The following SGSM1 variants were observed in gnomAD, a reference collection of about 807,000 sequenced individuals.
The protein encoded by SGSM1 is small G protein signaling modulator 1.
A neutral mutation model predicts 133.8 loss-of-function variants in SGSM1; 73 were observed. The observed-to-expected ratio is 0.55, with a 90% confidence interval of 0.45 to 0.66. The LOEUF (loss-of-function observed/expected upper bound fraction) is 0.66, where lower values mean the gene tolerates loss of function less well. Ranked by LOEUF, SGSM1 falls within the 30% of genes least tolerant of loss-of-function variation. SGSM1 has a pLI of 0.00. For synonymous variants in SGSM1, 563 were observed against 573.0 expected (o/e 0.98, Z 0.25); for missense variants, 1,213 against 1,448.1 (o/e 0.84, Z 2.64).
At chr22:24,909,551 G>A (rs939723076) in intron 21 of SGSM1, among the ~76,000 whole-genome samples, 1 of 152,022 alleles carries the variant, frequency 6.6e-6, no homozygotes, top group African/African-American at 2.4e-5. Flanking sequence ...CACCTCCTGG[G>A]TTCAAGCAAT....
rs188563353 is a variant in SGSM1 at position 24,855,553 on chromosome 22, A to C, written c.674A>C (p.Gln225Pro). 6.2e-7 allele frequency: 1 copy of C among 1,613,868 alleles called. No individual in the cohort carries two copies. The highest frequency in any genetic ancestry group is 1.7e-5 in the Admixed American group (1 of 60,016). ...SPTKRPALCI[Q>P]KRHSSGSMDD... is the part of the protein sequence containing the mutation. ...TCTCCCGTCACTCTCTACCAGATCCAGAAGAGGCATTCCAGTGGCAGCATG... is the reference window on the plus strand; with the variant it reads ...TCTCCCGTCACTCTCTACCAGATCCCGAAGAGGCATTCCAGTGGCAGCATG... Residue 225 changes from glutamine to proline, a missense_variant, in exon 8 of 25, where the codon CAG becomes CCG. By Grantham distance (76) the Gln-to-Pro change is moderately conservative. Transcript: ENST00000400358.
At chr22:24,807,387 T>C (rs1927468989) in intron 2 of SGSM1, among the ~76,000 whole-genome samples, 1 of 152,114 alleles carries the variant, frequency 6.6e-6, no homozygotes, top group Non-Finnish European at 1.5e-5. Context: ...TCTATGTGTG[T>C]CTTTGTATCT....
intron 4 of SGSM1, 65 bp from the exon 5 acceptor site, chr22:24,850,215 G>A: frequency 6.9e-7 from 1 of 1,443,930 alleles, no homozygotes; most frequent in South Asian, 1.4e-5. Flanking sequence ...TCTCCCATTT[G>A]CCAATTAGTC....
At chr22:24,866,554 G>A (rs1931469927) in intron 9 of SGSM1, among the ~76,000 whole-genome samples, 1 of 152,098 alleles carries the variant, frequency 6.6e-6, no homozygotes, top group Non-Finnish European at 1.5e-5. Context: ...ATGGATCCAG[G>A]GACTTGAATG....
intron 2 of SGSM1, among the ~76,000 whole-genome samples, chr22:24,832,348 G>A (rs1816081357): frequency 1.3e-5 from 2 of 152,242 alleles, no homozygotes; most frequent in Admixed American, 1.3e-4. Flanking sequence ...ATAGATAAGA[G>A]GGTTAGTGTT....
At chr22:24,862,082 G>A (rs1263050369) in intron 9 of SGSM1, among the ~76,000 whole-genome samples, 5 of 151,734 alleles carry the variant, frequency 3.3e-5, no homozygotes, top group Non-Finnish European at 7.4e-5. Context: ...AGTCTCCTGA[G>A]TAGCTGGGAT....
chr22:24,867,076 C>T lies in SGSM1; in HGVS notation c.927-17C>T. ...TAGGCAGAAGTCCTGCAAGCCTGAC[C>T]CTCCGTCCGCTTCCAGCGTCTACTG... is the stretch of plus-strand genomic sequence containing the variant. On this transcript the variant is annotated splice_polypyrimidine_tract_variant and intron_variant, in intron 9 of 24. Coordinates refer to ENST00000400358, the MANE Select transcript of SGSM1 (RefSeq NM_001098497.3). 1.9e-6 allele frequency: 3 copies of T among 1,612,572 alleles called. No individual in the cohort carries two copies. Among genetic ancestry groups the T allele is most frequent in the South Asian group, 1.1e-5 (1 of 90,628 alleles).
At chr22:24,894,914 C>T (rs1932879117) in intron 17 of SGSM1, among the ~76,000 whole-genome samples, 1 of 152,102 alleles carries the variant, frequency 6.6e-6, no homozygotes, top group African/African-American at 2.4e-5. Flanking sequence ...GAACCAGTTA[C>T]TCTGTGAGTT....
rs933967170 is a variant in SGSM1 at position 24,806,619 on chromosome 22, C to T, written c.63+135C>T. On this transcript the variant is annotated intron_variant, in intron 2 of 24. Coordinates refer to ENST00000400358, the MANE Select transcript of SGSM1 (RefSeq NM_001098497.3). ...CAGGTGTGGGGCTCACCTGGGTGGGCATTGACCTCCCGCAGGGCAGGAGGC... is the reference window on the plus strand; with the variant it reads ...CAGGTGTGGGGCTCACCTGGGTGGGTATTGACCTCCCGCAGGGCAGGAGGC... 1.1e-5 allele frequency: 12 copies of T among 1,069,972 alleles called. No individual in the cohort carries two copies. The East Asian group carries it at 3.2e-4, about 29-fold the overall frequency. 66.3% of individuals were successfully genotyped at this position (1,069,972 alleles called of 1,614,324 possible).
Position 24,818,468 on chromosome 22 carries a change from A to T in SGSM1, c.63+11984A>T, listed in dbSNP as rs569470534. On this transcript the variant is annotated intron_variant, in intron 2 of 24. Transcript: ENST00000400358. ...ATGAAGCCTCTGCCTCCCAGGTTCAAGCGATTCTCCTGCCTCAGCCTCCTG... is the reference window on the plus strand; with the variant it reads ...ATGAAGCCTCTGCCTCCCAGGTTCATGCGATTCTCCTGCCTCAGCCTCCTG... Among the ~76,000 whole-genome samples, 21 of 150,540 alleles carry T rather than the reference A, an allele frequency of 1.4e-4. No individual in the cohort carries two copies. The South Asian group carries it at 4.5e-3, about 32-fold the overall frequency.
chr22:24,903,579 A>G (rs1933244295), intron 20 of SGSM1, among the ~76,000 whole-genome samples: 1 of 152,234 alleles, frequency 6.6e-6, no homozygotes, highest in Admixed American at 6.5e-5. Context: ...AATGAAAAAA[A>G]TGCTGGGAAG....
intron 2 of SGSM1, among the ~76,000 whole-genome samples, chr22:24,807,474 G>T (rs1195410446): frequency 3.9e-5 from 6 of 152,144 alleles, no homozygotes. Context: ...GTGAGTGTGT[G>T]TGTGTATCTT....
Position 24,912,709 on chromosome 22 carries a change from G to T in SGSM1, c.2885G>T (p.Gly962Val). The T allele has an allele frequency of 6.2e-7, 1 of 1,613,820 alleles. No homozygotes were observed. Among genetic ancestry groups the T allele is most frequent in the Non-Finnish European group, 8.5e-7 (1 of 1,179,912 alleles). Residue 962 changes from glycine (G) to valine (V), a missense_variant, in exon 22 of 25, where the codon GGC becomes GTC. Transcript: ENST00000400358. ...KRMNQNFPHG[G>V]AMDTHFANMR... ...ATGAACCAGAACTTCCCCCACGGAGGCGCCATGGACACGCACTTTGCAAAC... is the reference window on the plus strand; with the variant it reads ...ATGAACCAGAACTTCCCCCACGGAGTCGCCATGGACACGCACTTTGCAAAC...
chr22:24,806,411 G>C, intron 1 of SGSM1, 30 bp from the exon 2 acceptor site: 1 of 1,522,340 alleles, frequency 6.6e-7, no homozygotes. Flanking sequence ...TCTCTCGGCT[G>C]ACCCGCGGCT....
chr22:24,842,301 A>G (rs1482418677), intron 2 of SGSM1, among the ~76,000 whole-genome samples: 1 of 152,132 alleles, frequency 6.6e-6, no homozygotes, highest in African/African-American at 2.4e-5. Context: ...CCAAACACCA[A>G]ATCCAGTCCT....
chr22:24,892,037 G>C (rs569664941), intron 16 of SGSM1, among the ~76,000 whole-genome samples: 8 of 152,246 alleles, frequency 5.3e-5, no homozygotes, highest in African/African-American at 1.9e-4. Flanking sequence ...CAAGGATCAC[G>C]ACTGCTAAGT....
At chr22:24,815,085 AAGATG>A (rs750690120) in intron 2 of SGSM1, among the ~76,000 whole-genome samples, 6 of 152,256 alleles carry the variant, frequency 3.9e-5, no homozygotes, top group Non-Finnish European at 7.3e-5. Flanking sequence ...AGTGATATAG[AAGATG>A]AGATGAATAG....
intron 8 of SGSM1, among the ~76,000 whole-genome samples, chr22:24,857,777 T>C (rs560617752): frequency 4.6e-5 from 7 of 152,354 alleles, no homozygotes; most frequent in South Asian, 2.1e-4. Flanking sequence ...TAAAGTTTTA[T>C]TGGGACACAG....
intron 21 of SGSM1, among the ~76,000 whole-genome samples, chr22:24,909,955 A>G (rs1933557863): frequency 6.6e-6 from 1 of 152,244 alleles, no homozygotes; most frequent in Non-Finnish European, 1.5e-5. Context: ...AATGTCCATC[A>G]AATTATGAAT....
Sources: gnomAD v4.1 joint callset for allele counts (sites outside exome capture counted in the v4.1 genomes callset) on GRCh38, gnomAD v4.1.1 for gene constraint, MANE v1.5 for transcripts, NCBI Gene and HGNC (gene_info 2026-07-23, HGNC 2026-07-21) for gene names.